The following SNRPA variants were observed in gnomAD, a reference collection of about 807,000 sequenced individuals.
The protein encoded by SNRPA is U1 small nuclear ribonucleoprotein A.
SNRPA carries 10 observed loss-of-function variants against 24.5 expected under a neutral mutation model. The ratio of observed to expected loss-of-function variants is 0.41; its 90% confidence interval spans 0.25 to 0.69. The LOEUF is 0.69. Among genes scored for constraint, SNRPA ranks in the 30% least tolerant of loss-of-function variants. SNRPA has a pLI of 0.33. For missense variants in SNRPA, 283 were observed against 394.7 expected, an observed-to-expected ratio of 0.72 and a Z score of 2.40; for synonymous variants, 165 against 148.4, an observed-to-expected ratio of 1.11 and a Z score of -0.81.
At chr19:40,762,164 C>CAA (rs1555775524) in intron 3 of SNRPA, among the ~76,000 whole-genome samples, 2 of 152,124 alleles carry the variant, frequency 1.3e-5, no homozygotes, top group Non-Finnish European at 2.9e-5. Context: ...TGCTGCCACG[C>CAA]GTTTTGTTCT....
At chr19:40,761,434 C>CTCTTT (rs1243951868) in intron 3 of SNRPA, among the ~76,000 whole-genome samples, 1 of 138,434 alleles carries the variant, frequency 7.2e-6, no homozygotes, top group East Asian at 2.1e-4. Flanking sequence ...AGTTTCTTTT[C>CTCTTT]TCTTTTCTTT....
At chr19:40,761,175 G>A (rs1306276167) in intron 3 of SNRPA, among the ~76,000 whole-genome samples, 1 of 151,308 alleles carries the variant, frequency 6.6e-6, no homozygotes, top group Non-Finnish European at 1.5e-5. Flanking sequence ...ATATACAGTT[G>A]GCAGAAGGGT....
Position 40,757,799 on chromosome 19 carries a change from C to T in SNRPA, c.246+295C>T, listed in dbSNP as rs748748308. Among the ~76,000 whole-genome samples the T allele has an allele frequency of 5.9e-5, 9 of 151,278 alleles. No individual in the cohort carries two copies. In the South Asian group the frequency reaches 6.3e-4, roughly 11 times the overall value. On this transcript the variant is annotated intron_variant, in intron 2 of 5. Coordinates refer to ENST00000243563, the MANE Select transcript of SNRPA (RefSeq NM_004596.5). ...CTCTACTAAAATACAAAAATTAGCT[C>T]GGTGTGGCAGCATGCACCTGTAGTC...
intron 1 of SNRPA, among the ~76,000 whole-genome samples, chr19:40,752,764 AAAAG>A (rs1416639631): frequency 2.0e-5 from 3 of 152,036 alleles, no homozygotes; most frequent in South Asian, 2.1e-4. Flanking sequence ...AGGAAAAAAA[AAAAG>A]AACTCAATTA....
At chr19:40,753,301 G>A (rs888863244) in intron 1 of SNRPA, among the ~76,000 whole-genome samples, 1 of 148,214 alleles carries the variant, frequency 6.7e-6, no homozygotes, top group African/African-American at 2.5e-5. Context: ...GTCGCAGTGA[G>A]CTGAGACCGC....
chr19:40,759,527 A>G lies in SNRPA; in HGVS notation c.343A>G (p.Ser115Gly), dbSNP rs771064652. The G allele has an allele frequency of 6.2e-7, 1 of 1,613,916 alleles. No homozygotes were observed. The highest frequency in any genetic ancestry group is 1.7e-5 in the Admixed American group (1 of 59,982). The change falls in exon 3 of 6, where the codon AGC becomes GGC. Residue 115 changes from serine to glycine, a missense_variant. Physicochemically the swap from Ser to Gly is moderately conservative, Grantham distance 56 (BLOSUM62 0). This residue lies in a region of SNRPA where 167 missense variants were observed against 174.3 expected (regional missense o/e 0.96). Transcript: ENST00000243563. ...CAAGCGGGAGAAGAGGAAGCCCAAG[A>G]GCCAGGAGACCCCGGCCACCAAGAA... Reference protein sequence around the residue: ...DRKREKRKPKSQETPATKKAV... With the variant: ...DRKREKRKPKGQETPATKKAV...
chr19:40,751,896 T>C (rs564639526), intron 1 of SNRPA, among the ~76,000 whole-genome samples: 1 of 152,328 alleles, frequency 6.6e-6, no homozygotes, highest in Non-Finnish European at 1.5e-5. Flanking sequence ...TTTTCAGTGA[T>C]CAGCCCACAA....
chr19:40,765,202 T>C lies in SNRPA; in HGVS notation c.*35T>C. 1.4e-6 allele frequency: 2 copies of C among 1,429,804 alleles called. No homozygotes were observed. The highest frequency in any genetic ancestry group is 3.0e-5 in the South Asian group (2 of 66,294). 88.6% of individuals were successfully genotyped at this position (1,429,804 alleles called of 1,614,324 possible). ...CCCCCATGCCTGCCCCTTCCCCTGT[T>C]CTGGGGCCACCCCTTTCCCCCTTGG... On this transcript the variant is annotated 3_prime_UTR_variant, in exon 6 of 6. Transcript: ENST00000243563.
chr19:40,753,414 T>TTTTTTTTTTTTTTTTG (rs2082894085), intron 1 of SNRPA, among the ~76,000 whole-genome samples: 1 of 57,328 alleles, frequency 1.7e-5, no homozygotes, highest in Admixed American at 2.4e-4. Context: ...TTTTTTTTTT[T>TTTTTTTTTTTTTTTTG]GAGGCAGAGT....
intron 1 of SNRPA, among the ~76,000 whole-genome samples, chr19:40,753,404 T>A (rs972946995): frequency 8.3e-6 from 1 of 120,376 alleles, no homozygotes; most frequent in African/African-American, 3.2e-5. Flanking sequence ...TTTTTTTTTT[T>A]TTTTTTTTTT....
intron 5 of SNRPA, among the ~76,000 whole-genome samples, chr19:40,764,271 C>T (rs1398375090): frequency 6.6e-6 from 1 of 152,044 alleles, no homozygotes; most frequent in African/African-American, 2.4e-5. Flanking sequence ...GAAGGGATGG[C>T]TACATGCAGC....
intron 1 of SNRPA, among the ~76,000 whole-genome samples, chr19:40,753,730 T>C (rs1190394712): frequency 6.6e-6 from 1 of 151,586 alleles, no homozygotes; most frequent in Non-Finnish European, 1.5e-5. Context: ...GCCCAACCAT[T>C]ATCGGGCAGT....
chr19:40,762,713 C>G (rs1284125212), intron 3 of SNRPA, among the ~76,000 whole-genome samples, 188 bp from the exon 4 acceptor site: 1 of 152,178 alleles, frequency 6.6e-6, no homozygotes, highest in Non-Finnish European at 1.5e-5. Flanking sequence ...TAGCATTTAA[C>G]TCTTTCTGAT....
intron 1 of SNRPA, among the ~76,000 whole-genome samples, chr19:40,752,330 T>C (rs2082880841): frequency 6.7e-6 from 1 of 149,244 alleles, no homozygotes; most frequent in Admixed American, 6.7e-5. Context: ...AGAGCGAAAC[T>C]CCGTCTCAAA....
rs375774122 is a variant in SNRPA at position 40,751,429 on chromosome 19, C to T, written c.21C>T (p.Arg7=). 5 of 1,613,424 alleles carry T rather than the reference C, an allele frequency of 3.1e-6. No individual in the cohort carries two copies. Among genetic ancestry groups the T allele is most frequent in the Admixed American group, 1.7e-5 (1 of 59,982 alleles). The change falls in exon 1 of 6, where the codon CGC becomes CGT. Residue 7 remains arginine (R), a synonymous_variant. Coordinates refer to ENST00000243563, the MANE Select transcript of SNRPA (RefSeq NM_004596.5). The part of the protein sequence containing the change: MAVPET[R]PNHTIYINNL... ...ACTCCATGGCAGTTCCCGAGACCCGCCCTAACCACACTATTTATATCAACA... is the reference window on the plus strand; with the variant it reads ...ACTCCATGGCAGTTCCCGAGACCCGTCCTAACCACACTATTTATATCAACA...
At chr19:40,756,386 A>C (rs1461882879) in intron 1 of SNRPA, among the ~76,000 whole-genome samples, 2 of 152,090 alleles carry the variant, frequency 1.3e-5, no homozygotes, top group Non-Finnish European at 2.9e-5. Context: ...GCTGAAGCTC[A>C]GGAGTTCAAG....
At chr19:40,754,986 A>G (rs1485626416) in intron 1 of SNRPA, among the ~76,000 whole-genome samples, 2 of 151,638 alleles carry the variant, frequency 1.3e-5, no homozygotes, top group Non-Finnish European at 1.5e-5. Context: ...CTTAAAAACA[A>G]CCTTGACTGC....
intron 1 of SNRPA, among the ~76,000 whole-genome samples, chr19:40,755,209 T>C (rs1055444867): frequency 6.6e-6 from 1 of 151,224 alleles, no homozygotes; most frequent in Non-Finnish European, 1.5e-5. Context: ...CCCCAGTAGC[T>C]GGGATTACAA....
In SNRPA at chr19:40,757,522, G is replaced by T; in HGVS notation, c.246+18G>T. On this transcript the variant is annotated intron_variant, in intron 2 of 5. Transcript: ENST00000243563. ...AACCTATGGTGAGCATTGCGGGTAC[G>T]GAGGCTGTGTGGGTGTGTAAAATGT... 2 of 1,599,186 alleles carry T rather than the reference G, an allele frequency of 1.3e-6. No individual in the cohort carries two copies. Among genetic ancestry groups the T allele is most frequent in the Non-Finnish European group, 1.7e-6 (2 of 1,171,876 alleles).
Sources: gnomAD v4.1 joint callset for allele counts (sites outside exome capture counted in the v4.1 genomes callset) on GRCh38, gnomAD v4.1.1 for gene constraint, gnomAD v4.1.1 regional missense constraint, MANE v1.5 for transcripts, NCBI Gene and HGNC (gene_info 2026-07-23, HGNC 2026-07-21) for gene names.